SCN2A: variants seen among roughly 807,000 people sequenced by gnomAD.
The protein encoded by SCN2A is sodium voltage-gated channel alpha subunit 2, also known as sodium channel protein type 2 subunit alpha.
A neutral mutation model predicts 188.7 loss-of-function variants in SCN2A; 20 were observed. The ratio of observed to expected loss-of-function variants is 0.11; its 90% CI spans 0.07 to 0.15. The LOEUF (loss-of-function observed/expected upper bound fraction) is 0.15. Ranked by LOEUF, SCN2A falls within the 10% of genes least tolerant of loss-of-function variation. The pLI, the probability that SCN2A is intolerant of heterozygous loss-of-function variation, is 1.00. For missense variants in SCN2A, 1,278 were observed against 2,445.0 expected, an observed-to-expected ratio of 0.52 and a Z score of 10.07; for synonymous variants, 804 against 833.1, an observed-to-expected ratio of 0.97 and a Z score of 0.60.
At chr2:165,257,524 TTTGTTGTTGTTGTTC>T (rs1694380323) in intron 1 of SCN2A, among the ~76,000 whole-genome samples, 1 of 151,924 alleles carries the variant, frequency 6.6e-6, no homozygotes, top group Non-Finnish European at 1.5e-5. Context: ...TGTTGTTGTT[TTTGTTGTTGTTGTTC>T]TTGTTGTTGT....
rs548830804 is a variant in SCN2A, at chr2:165,365,202, G to C, written c.3459G>C (p.Glu1153Asp). 4 of 1,613,828 alleles carry C rather than the reference G, an allele frequency of 2.5e-6. No individual in the cohort carries two copies. Among genetic ancestry groups the C allele is most frequent in the African/African-American group, 2.7e-5 (2 of 74,898 alleles). Residue 1153 changes from glutamate (E) to aspartate (D), a missense_variant, in exon 18 of 27, where the codon GAG becomes GAC. By Grantham distance (45) the Glu-to-Asp change is conservative. This residue lies in a region of SCN2A where 228 missense variants were observed against 297.3 expected (regional missense o/e 0.77). Coordinates refer to ENST00000375437, the MANE Select transcript of SCN2A (RefSeq NM_001040142.2). ...GSTVDIGAPA[E>D]GEQPEVEPEE... ...CGGTTGATATTGGAGCTCCCGCCGA[G>C]GGAGAACAGCCTGAGGTTGAACCTG... is the stretch of plus-strand genomic sequence containing the variant.
At chr2:165,339,521 A>G (rs61299128) in intron 14 of SCN2A, among the ~76,000 whole-genome samples, 1 of 152,108 alleles carries the variant, frequency 6.6e-6, no homozygotes, top group Non-Finnish European at 1.5e-5. Flanking sequence ...TTTAAAACTG[A>G]TTAGAAATAA....
chr2:165,266,345 T>G (rs1466793554), intron 1 of SCN2A: 1 of 152,106 alleles, frequency 6.6e-6, no homozygotes, highest in Non-Finnish European at 1.5e-5. Flanking sequence ...GTCTTCTTCT[T>G]TCTCCAATAT....
intron 1 of SCN2A, among the ~76,000 whole-genome samples, chr2:165,282,691 T>C (rs1461976547): frequency 5.9e-5 from 9 of 152,182 alleles, no homozygotes; most frequent in Non-Finnish European, 1.3e-4. Flanking sequence ...GCTAGGATTA[T>C]AGGTGCAAGG....
intron 1 of SCN2A, among the ~76,000 whole-genome samples, chr2:165,253,338 C>T (rs894325086): frequency 3.9e-5 from 6 of 152,030 alleles, no homozygotes; most frequent in Non-Finnish European, 5.9e-5. Context: ...AGTTCTGTTT[C>T]TGATGTGCAT....
intron 16 of SCN2A, among the ~76,000 whole-genome samples, chr2:165,349,702 T>C (rs1699788711): frequency 6.6e-6 from 1 of 152,228 alleles, no homozygotes; most frequent in South Asian, 2.1e-4. Flanking sequence ...CCTTTCTTTT[T>C]GACTATCAGT....
chr2:165,325,220 C>G (rs1288030413), intron 12 of SCN2A, among the ~76,000 whole-genome samples: 3 of 152,180 alleles, frequency 2.0e-5, no homozygotes, highest in African/African-American at 7.2e-5. Flanking sequence ...TATCATAAAT[C>G]TCCTGTCCTA....
At position 165,256,000 on chromosome 2, in the gene SCN2A, C is replaced by CTTTT. The variant is rs765804959; in HGVS notation, c.-52+16377_-52+16380dup. On this transcript the variant is annotated intron_variant, in intron 1 of 26. Coordinates refer to ENST00000375437, the MANE Select transcript of SCN2A (RefSeq NM_001040142.2). The stretch of plus-strand genomic sequence containing the variant: ...AAATGTTTTCATTTGGGGCTCTTTT[C>CTTTT]TTTTTTTTTTTTTTTTTTTTGGTGA... Among the ~76,000 whole-genome samples the CTTTT allele has an allele frequency of 4.5e-4, 40 of 88,480 alleles. 1 individual carries two copies. Among genetic ancestry groups the CTTTT allele is most frequent in the South Asian group, 8.4e-4 (2 of 2,376 alleles). 58.0% of individuals were successfully genotyped at this position (88,480 alleles called of 152,430 possible). A position where few individuals can be genotyped will look rare whatever the true frequency, so the allele number is the denominator to read the frequency against.
At chr2:165,289,267 C>G (rs1695990864) in intron 1 of SCN2A, among the ~76,000 whole-genome samples, 1 of 151,664 alleles carries the variant, frequency 6.6e-6, no homozygotes, top group Admixed American at 6.6e-5. Context: ...TAACTTTTTG[C>G]TGATGTCATC....
At chr2:165,312,902 C>T (rs923232705) in intron 8 of SCN2A, among the ~76,000 whole-genome samples, 1 of 152,102 alleles carries the variant, frequency 6.6e-6, no homozygotes, top group Non-Finnish European at 1.5e-5. Context: ...CCATTTGGCT[C>T]CTACGATCAG....
At chr2:165,344,056 T>C (rs986868189) in intron 15 of SCN2A, among the ~76,000 whole-genome samples, 2 of 152,170 alleles carry the variant, frequency 1.3e-5, no homozygotes, top group Non-Finnish European at 2.9e-5. Context: ...GAGTTCCTAC[T>C]TCTCTGAAAC....
At chr2:165,272,724 C>A (rs1695156519) in intron 1 of SCN2A, 1 of 151,120 alleles carries the variant, frequency 6.6e-6, no homozygotes, top group Non-Finnish European at 1.5e-5. Context: ...AATTAAGCAA[C>A]AGACTTCTAA....
intron 1 of SCN2A, among the ~76,000 whole-genome samples, chr2:165,289,392 G>C (rs937370076): frequency 6.6e-6 from 1 of 151,942 alleles, no homozygotes; most frequent in African/African-American, 2.4e-5. Flanking sequence ...AGAAATATCA[G>C]AATTTAGAAT....
chr2:165,383,496 G>A (rs867626161), intron 25 of SCN2A, among the ~76,000 whole-genome samples: 15 of 152,068 alleles, frequency 9.9e-5, no homozygotes, highest in Non-Finnish European at 1.2e-4. Context: ...CTTGGAGGCC[G>A]TGTTAAGGAG....
chr2:165,267,533 A>T (rs1294125575), intron 1 of SCN2A: 1 of 152,020 alleles, frequency 6.6e-6, no homozygotes, highest in East Asian at 1.9e-4. Context: ...CTAAAACTGT[A>T]AAAGTACTAG....
chr2:165,365,116 G>T (rs767975923), intron 17 of SCN2A, 27 bp from the exon 18 acceptor site: 2 of 1,598,948 alleles, frequency 1.3e-6, no homozygotes, highest in East Asian at 4.5e-5. Flanking sequence ...ATAATTAAAT[G>T]TGTTTTTTTG....
chr2:165,267,622 A>G (rs1413867646), intron 1 of SCN2A: 1 of 151,964 alleles, frequency 6.6e-6, no homozygotes, highest in Admixed American at 6.6e-5. Flanking sequence ...CACAGACCAA[A>G]ACAAAAGAAA....
intron 1 of SCN2A, among the ~76,000 whole-genome samples, chr2:165,291,491 T>C (rs199865365): frequency 3.9e-4 from 15 of 38,860 alleles, no homozygotes; most frequent in South Asian, 1.1e-3. Flanking sequence ...TCTTTCTTTC[T>C]TTTCTTTCTT....
At chr2:165,274,662 A>G (rs534569710) in intron 1 of SCN2A, among the ~76,000 whole-genome samples, 121 of 152,202 alleles carry the variant, frequency 7.9e-4, no homozygotes, top group Non-Finnish European at 1.4e-3. Context: ...CCCTTTTCTA[A>G]TCTTTTAAGA....
Sources: gnomAD v4.1 joint callset for allele counts (sites outside exome capture counted in the v4.1 genomes callset) on GRCh38, gnomAD v4.1.1 for gene constraint, gnomAD v4.1.1 regional missense constraint, MANE v1.5 for transcripts, NCBI Gene and HGNC (gene_info 2026-07-23, HGNC 2026-07-21) for gene names.